Variants in MAST2 observed in about 807,000 individuals in gnomAD.
The protein encoded by MAST2 is microtubule associated serine/threonine kinase 2, also known as microtubule-associated serine/threonine-protein kinase 2.
MAST2 carries 70 observed loss-of-function variants against 147.4 expected under a neutral mutation model. That is an observed-to-expected ratio of 0.47 (90% confidence interval 0.39 to 0.58). MAST2 has a LOEUF of 0.58. MAST2 is among the 20% of genes least tolerant of loss of function. The probability of loss-of-function intolerance (pLI) is 0.00; values close to 1 mark genes in which losing one functional copy is unlikely to be tolerated. For synonymous variants in MAST2, 869 were observed against 896.8 expected (o/e 0.97, Z 0.55); for missense variants, 2,080 against 2,302.3 (o/e 0.90, Z 1.98).
In MAST2 at chr1:46,035,821, T is replaced by G; in HGVS notation, c.5152T>G (p.Tyr1718Asp). The G allele has an allele frequency of 6.2e-7, 1 of 1,613,932 alleles. No homozygotes were observed. Among genetic ancestry groups the G allele is most frequent in the Non-Finnish European group, 8.5e-7 (1 of 1,179,976 alleles). The stretch of plus-strand genomic sequence containing the variant: ...TGCCCCCAGACTGGCCCATCCATCT[T>G]ATGAGGATCCCAGCCAGGGCTGGCT... ...PSAPRLAHPSYEDPSQGWLWE... is the reference protein window; with the variant it reads ...PSAPRLAHPSDEDPSQGWLWE... Residue 1718 changes from tyrosine to aspartate, a missense_variant, in exon 29 of 29, where the codon TAT (tyrosine) becomes GAT (aspartate). By Grantham distance (160) the Tyr-to-Asp change is radical. Around this residue, in one of 4 missense-constraint regions of MAST2, gnomAD observed 1,278 missense variants for 1,304.2 expected, o/e 0.98. Transcript: ENST00000361297. This position sits in a 1 kb window ranked among gnomAD's most constrained non-coding sequence, Gnocchi z 5.5.
rs1458807585 is a variant in MAST2, at chr1:46,023,141, T to C, written c.1486-92T>C. On this transcript the variant is annotated intron_variant, in intron 13 of 28. Transcript: ENST00000361297. This position sits in a 1 kb window ranked among gnomAD's most constrained non-coding sequence, Gnocchi z 4.9. Reference sequence around the variant, plus strand: ...AATGAGCAGGAGACTGCACTAGAGCTGACAGCTGAGAAGATGCTAGAGCCA... The same window carrying C: ...AATGAGCAGGAGACTGCACTAGAGCCGACAGCTGAGAAGATGCTAGAGCCA... The C allele has an allele frequency of 2.3e-6, 3 of 1,309,616 alleles. No homozygotes were observed. Among genetic ancestry groups the C allele is most frequent in the South Asian group, 2.4e-5 (2 of 84,516 alleles). 81.1% of individuals were successfully genotyped at this position (1,309,616 alleles called of 1,614,324 possible).
rs911234099 is a variant in MAST2 at position 46,034,652 on chromosome 1, G to A, written c.3983G>A (p.Arg1328His). 1.1e-5 allele frequency: 17 copies of A among 1,613,908 alleles called. No homozygotes were observed. Among genetic ancestry groups the A allele is most frequent in the Admixed American group, 1.7e-5 (1 of 59,992 alleles). Reference sequence around the variant, plus strand: ...CACGGTCTGGCACCCAAGCTCCAACGCCAGTACCGCTCTCCACGGCGCAAG... The same window carrying A: ...CACGGTCTGGCACCCAAGCTCCAACACCAGTACCGCTCTCCACGGCGCAAG... ...SLHGLAPKLQ[R>H]QYRSPRRKSA... Residue 1328 changes from arginine (R) to histidine (H), a missense_variant, in exon 29 of 29, where the codon CGC becomes CAC. Around this residue, in one of 4 missense-constraint regions of MAST2, gnomAD observed 1,278 missense variants for 1,304.2 expected, o/e 0.98. Coordinates refer to ENST00000361297, the MANE Select transcript of MAST2 (RefSeq NM_015112.3).
In MAST2 at chr1:45,915,257, A is replaced by G. The variant is rs115562169; in HGVS notation, c.500+32862A>G. Among the ~76,000 whole-genome samples the G allele has an allele frequency of 5.5e-3, 841 of 152,226 alleles. 11 individuals are homozygous for G. The highest frequency in any genetic ancestry group is 0.02 in the African/African-American group (823 of 41,530). On this transcript the variant is annotated intron_variant, in intron 4 of 28. Coordinates refer to ENST00000361297, the MANE Select transcript of MAST2 (RefSeq NM_015112.3). ...AAATGTGGGTACACTGCTGTTGGTA[A>G]TCATTTTCTCTGTTTTACTGACTTT...
At chr1:45,966,826 C>G (rs1661283150) in intron 5 of MAST2, among the ~76,000 whole-genome samples, 1 of 150,820 alleles carries the variant, frequency 6.6e-6, no homozygotes, top group Non-Finnish European at 1.5e-5. Flanking sequence ...CATATCCTTG[C>G]CAGCATTTGG....
At chr1:46,000,556 C>T (rs866440131) in intron 6 of MAST2, among the ~76,000 whole-genome samples, 1 of 152,182 alleles carries the variant, frequency 6.6e-6, no homozygotes. Context: ...TTTTTTACCA[C>T]TGAGACCCAA....
At chr1:45,883,006 C>A (rs1646916588) in intron 4 of MAST2, among the ~76,000 whole-genome samples, 1 of 152,100 alleles carries the variant, frequency 6.6e-6, no homozygotes, top group Non-Finnish European at 1.5e-5. Context: ...TCAGAATCTC[C>A]TGGAATGTTT....
chr1:45,911,852 TATA>T (rs1393528663), intron 4 of MAST2, among the ~76,000 whole-genome samples: 33 of 129,540 alleles, frequency 2.5e-4, no homozygotes, highest in African/African-American at 1.0e-3. Context: ...TTATTATTGT[TATA>T]TTATTATTAT....
chr1:45,964,911 A>G (rs1378721979), intron 5 of MAST2, among the ~76,000 whole-genome samples: 1 of 151,958 alleles, frequency 6.6e-6, no homozygotes, highest in Non-Finnish European at 1.5e-5. Flanking sequence ...AGATTCTGGT[A>G]TGTTGTGTCT....
At chr1:46,018,244 G>C (rs1646040664) in intron 10 of MAST2, among the ~76,000 whole-genome samples, 1 of 151,932 alleles carries the variant, frequency 6.6e-6, no homozygotes, top group Admixed American at 6.6e-5. Flanking sequence ...CTCTCTCTCT[G>C]ATGTCTTGCC....
At chr1:45,875,017 C>A (rs971523239) in intron 3 of MAST2, among the ~76,000 whole-genome samples, 4 of 152,110 alleles carry the variant, frequency 2.6e-5, no homozygotes, top group African/African-American at 7.2e-5. Flanking sequence ...GTCCAAAACT[C>A]CAATAAGACT....
At chr1:45,858,902 C>CA (rs1570405028) in intron 3 of MAST2, among the ~76,000 whole-genome samples, 1 of 152,218 alleles carries the variant, frequency 6.6e-6, no homozygotes, top group East Asian at 1.9e-4. Context: ...TCATGTTTGT[C>CA]AAAGATCAGA....
chr1:45,945,308 CTG>C (rs938120875), intron 4 of MAST2, among the ~76,000 whole-genome samples: 95 of 152,116 alleles, frequency 6.2e-4, no homozygotes, highest in Middle Eastern at 6.8e-3. Flanking sequence ...CTCAAAAAGA[CTG>C]TGTTTTCTGA....
intron 1 of MAST2, among the ~76,000 whole-genome samples, chr1:45,820,194 C>T (rs1644578926): frequency 6.6e-6 from 1 of 152,020 alleles, no homozygotes; most frequent in Admixed American, 6.6e-5. Context: ...TTCCCATATA[C>T]AAAAATCAAA....
chr1:45,842,449 T>G (rs1645307445), intron 3 of MAST2, among the ~76,000 whole-genome samples: 1 of 152,172 alleles, frequency 6.6e-6, no homozygotes, highest in South Asian at 2.1e-4. Flanking sequence ...GATTTAAACC[T>G]CTTATCCATT....
chr1:45,987,331 G>C (rs1644666105), intron 5 of MAST2, among the ~76,000 whole-genome samples: 1 of 151,670 alleles, frequency 6.6e-6, no homozygotes, highest in Non-Finnish European at 1.5e-5. Flanking sequence ...TTTTTGGTTT[G>C]TTTTTTGAGA....
intron 4 of MAST2, among the ~76,000 whole-genome samples, chr1:45,914,588 A>G (rs1419627763): frequency 1.3e-5 from 2 of 152,206 alleles, no homozygotes; most frequent in African/African-American, 4.8e-5. Flanking sequence ...CCACAGGGCT[A>G]AGGGAGTGTA....
At chr1:45,979,884 G>A (rs955617888) in intron 5 of MAST2, among the ~76,000 whole-genome samples, 8 of 152,178 alleles carry the variant, frequency 5.3e-5, no homozygotes, top group Admixed American at 2.0e-4. Context: ...AATCACTGAT[G>A]CAGCTGGAGG....
chr1:45,938,767 G>C (rs1386768600), intron 4 of MAST2, among the ~76,000 whole-genome samples: 2 of 152,170 alleles, frequency 1.3e-5, no homozygotes, highest in Non-Finnish European at 2.9e-5. Flanking sequence ...GTGGTGTGTA[G>C]TATATCACTG....
At chr1:45,841,678 G>A (rs1400523297) in intron 3 of MAST2, among the ~76,000 whole-genome samples, 6 of 152,166 alleles carry the variant, frequency 3.9e-5, no homozygotes, top group Non-Finnish European at 1.5e-5. Flanking sequence ...TTTACTGACA[G>A]CAGTATAGGT....
Sources: gnomAD v4.1 joint callset for allele counts (sites outside exome capture counted in the v4.1 genomes callset) on GRCh38, gnomAD v4.1.1 for gene constraint, gnomAD v4.1.1 regional missense constraint, Gnocchi (gnomAD v3.1) non-coding constraint, MANE v1.5 for transcripts, NCBI Gene and HGNC (gene_info 2026-07-23, HGNC 2026-07-21) for gene names.